NEK9: variants seen among roughly 807,000 people sequenced by gnomAD.
NEK9 encodes serine/threonine-protein kinase Nek9.
A neutral mutation model predicts 123.4 loss-of-function variants in NEK9; 75 were observed. The observed-to-expected ratio is 0.61, with a 90% CI of 0.50 to 0.74. The LOEUF (loss-of-function observed/expected upper bound fraction) is 0.74. Ranked by LOEUF, NEK9 falls within the 30% of genes least tolerant of loss-of-function variation. The pLI is 0.00. For synonymous variants in NEK9, 438 were observed against 458.7 expected, an observed-to-expected ratio of 0.95 and a Z score of 0.58; for missense variants, 952 against 1,214.4, an observed-to-expected ratio of 0.78 and a Z score of 3.21.
chr14:75,089,401 G>A (rs1894135670), intron 19 of NEK9, among the ~76,000 whole-genome samples: 1 of 151,294 alleles, frequency 6.6e-6, no homozygotes, highest in African/African-American at 2.4e-5. Flanking sequence ...CTAATTTTTT[G>A]TATTTTTAGT....
At chr14:75,096,460 A>C (rs146118362) in intron 17 of NEK9, among the ~76,000 whole-genome samples, 26 of 152,310 alleles carry the variant, frequency 1.7e-4, no homozygotes, top group Non-Finnish European at 3.5e-4. Flanking sequence ...TAAAGGATGT[A>C]CTGAATGTTT....
intron 6 of NEK9, among the ~76,000 whole-genome samples, chr14:75,115,114 T>TAC (rs10632881): frequency 0.48 from 70,136 of 147,178 alleles, 16,736 homozygotes; most frequent in Middle Eastern, 0.53. Flanking sequence ...CGTGTGTGCG[T>TAC]ACACACACAC....
intron 19 of NEK9, among the ~76,000 whole-genome samples, chr14:75,090,402 C>T (rs1473877707): frequency 6.6e-6 from 1 of 151,494 alleles, no homozygotes; most frequent in Admixed American, 6.6e-5. Context: ...CCATCACTTA[C>T]AGACAACCAC....
intron 21 of NEK9, 125 bp from the exon 22 acceptor site, chr14:75,084,811 C>T: frequency 1.6e-6 from 2 of 1,248,250 alleles, no homozygotes; most frequent in Non-Finnish European, 1.1e-6. Context: ...GATTTGTAGC[C>T]ACGATCTTGT....
chr14:75,105,621 T>C (rs1020900970), intron 13 of NEK9, among the ~76,000 whole-genome samples: 1 of 152,266 alleles, frequency 6.6e-6, no homozygotes, highest in Non-Finnish European at 1.5e-5. Flanking sequence ...GACAGTATAC[T>C]GCTTTACAGT....
chr14:75,108,831 A>G (rs1894868668), intron 10 of NEK9, among the ~76,000 whole-genome samples: 1 of 152,162 alleles, frequency 6.6e-6, no homozygotes, highest in Admixed American at 6.6e-5. Context: ...CTGAGACTTC[A>G]GTTGTGAGCC....
In NEK9 at chr14:75,083,129, T is replaced by G; in HGVS notation, c.*1435A>C. The G allele has an allele frequency of 2.5e-6, 1 of 398,590 alleles. No homozygotes were observed. 24.7% of individuals were successfully genotyped at this position (398,590 alleles called of 1,614,324 possible). A position where few individuals can be genotyped will look rare whatever the true frequency, so the allele number is the denominator to read the frequency against. ...ACAATGTTGATAAGATTATCAAACA[T>G]TTTGGTCTGGGGAAGATGAAACAAA... On this transcript the variant is annotated 3_prime_UTR_variant, in exon 22 of 22. Coordinates refer to ENST00000238616, the MANE Select transcript of NEK9 (RefSeq NM_033116.6).
intron 16 of NEK9, 62 bp downstream of exon 16, chr14:75,100,930 C>T: frequency 6.6e-7 from 1 of 1,519,828 alleles, no homozygotes; most frequent in South Asian, 1.2e-5. Flanking sequence ...ATTTCTTTCC[C>T]AGCCAAGAAC....
chr14:75,120,881 GTAA>G, intron 3 of NEK9: 1 of 631,828 alleles, frequency 1.6e-6, no homozygotes, highest in East Asian at 2.8e-5. Context: ...CCAGTACGCA[GTAA>G]TAGAACCAGG....
chr14:75,101,438 G>T (rs1894576334), intron 15 of NEK9, among the ~76,000 whole-genome samples: 2 of 152,160 alleles, frequency 1.3e-5, no homozygotes, highest in Admixed American at 1.3e-4. Context: ...AGAGACAACA[G>T]ATGTCTGGAA....
At chr14:75,095,989 T>C (rs1056157580) in intron 17 of NEK9, among the ~76,000 whole-genome samples, 1 of 152,148 alleles carries the variant, frequency 6.6e-6, no homozygotes, top group Non-Finnish European at 1.5e-5. Flanking sequence ...CGTGGTATTC[T>C]TAAAAGCTTC....
rs572959302 is a variant in NEK9, at chr14:75,091,667, T to C, written c.2234-189A>G. ...AACTATGTTTTGTAATTTTGTATAG[T>C]TGTATTTGTATATCAGGATGCTCAT... On this transcript the variant is annotated intron_variant, in intron 18 of 21. Coordinates refer to ENST00000238616, the MANE Select transcript of NEK9 (RefSeq NM_033116.6). 1.7e-5 allele frequency: 8 copies of C among 464,404 alleles called. No individual in the cohort carries two copies. In the Admixed American group the frequency reaches 3.3e-4, roughly 19 times the overall value. 28.8% of individuals were successfully genotyped at this position (464,404 alleles called of 1,614,324 possible).
upstream of NEK9, chr14:75,127,121 C>T (rs527603969): frequency 9.8e-5 from 52 of 531,360 alleles, 1 homozygote; most frequent in East Asian, 1.5e-3. Context: ...CCTTTGCTTA[C>T]CCTCTTGGCT....
chr14:75,104,466 G>A (rs1294889353), intron 13 of NEK9, among the ~76,000 whole-genome samples: 1 of 142,902 alleles, frequency 7.0e-6, no homozygotes, highest in Non-Finnish European at 1.5e-5. Context: ...ACGCCTGGCT[G>A]AGACTACTAT....
At chr14:75,118,697 C>T (rs1895221394) in intron 5 of NEK9, 133 bp downstream of exon 5, 1 of 624,918 alleles carries the variant, frequency 1.6e-6, no homozygotes, top group African/African-American at 1.8e-5. Context: ...AGGAAAAAGA[C>T]TTCTGAAGAC....
At chr14:75,104,126 A>ATTCTT in intron 13 of NEK9, 129 bp from the exon 14 acceptor site, 4 of 909,744 alleles carry the variant, frequency 4.4e-6, no homozygotes, top group Non-Finnish European at 6.4e-6. Context: ...GGACTGCTCT[A>ATTCTT]TTCTTTTCAG....
At chr14:75,095,104 A>G (rs1426427535) in intron 18 of NEK9, among the ~76,000 whole-genome samples, 1 of 152,238 alleles carries the variant, frequency 6.6e-6, no homozygotes, top group Non-Finnish European at 1.5e-5. Flanking sequence ...AAGGAATAAT[A>G]CATAAGTCAT....
intron 18 of NEK9, among the ~76,000 whole-genome samples, chr14:75,094,702 C>G: frequency 6.6e-6 from 1 of 152,072 alleles, no homozygotes; most frequent in East Asian, 1.9e-4. Flanking sequence ...ACCACTTGAA[C>G]CTGGGAGGCA....
In NEK9 at chr14:75,126,662, C is replaced by T. The variant is rs772788760; in HGVS notation, c.219+41G>A. On this transcript the variant is annotated intron_variant, in intron 1 of 21. Coordinates refer to ENST00000238616, the MANE Select transcript of NEK9 (RefSeq NM_033116.6). ...CGAGAAGGAGGGACTCGGGGCGACC[C>T]GACAGCGCCAGACAGGGCGGCCGGC... The T allele has an allele frequency of 4.2e-5, 57 of 1,365,540 alleles. No individual in the cohort carries two copies. The South Asian group carries it at 8.9e-4, about 21-fold the overall frequency. The allele number at this position is 1,365,540 out of a possible 1,614,324, so 84.6% of individuals were successfully genotyped here.
Sources: allele counts gnomAD v4.1 joint callset (sites outside exome capture counted in the v4.1 genomes callset), GRCh38; gene constraint gnomAD v4.1.1; transcripts MANE v1.5; gene names NCBI Gene and HGNC (gene_info 2026-07-23, HGNC 2026-07-21).